The following MGAM2 variants were observed in gnomAD, a reference collection of about 807,000 sequenced individuals.
MGAM2 encodes probable maltase-glucoamylase 2.
Under a neutral mutation model 96.1 loss-of-function variants are expected in MGAM2, and 98 were observed. The observed-to-expected ratio is 1.02, with a 90% CI of 0.87 to 1.21. The LOEUF is 1.21. MGAM2 is among the 50% of genes most tolerant of loss of function. MGAM2 has a pLI of 0.00. For synonymous variants in MGAM2, 749 were observed against 414.8 expected (o/e 1.81, Z -9.79); for missense variants, 2,055 against 1,182.4 (o/e 1.74, Z -10.82).
At chr7:142,169,065 G>A (rs548255862) in intron 26 of MGAM2, among the ~76,000 whole-genome samples, 36 of 152,026 alleles carry the variant, frequency 2.4e-4, no homozygotes, top group Admixed American at 5.2e-4. Context: ...GAGGTTCTGC[G>A]TTCCTAACAA....
chr7:142,159,484 G>C (rs1205620902), intron 20 of MGAM2, 141 bp downstream of exon 20: 1 of 606,906 alleles, frequency 1.6e-6, no homozygotes, highest in Non-Finnish European at 3.0e-6. Flanking sequence ...TGTGAGAAAG[G>C]CATCTTAGTT....
At chr7:142,161,342 G>A (rs1202345953) in intron 22 of MGAM2, 129 bp downstream of exon 22, 7 of 516,516 alleles carry the variant, frequency 1.4e-5, no homozygotes, top group East Asian at 9.1e-5. Context: ...GAGAATCAAC[G>A]GGTTAAAATC....
chr7:142,172,968 C>A (rs1249498838), intron 30 of MGAM2, among the ~76,000 whole-genome samples: 1 of 152,106 alleles, frequency 6.6e-6, no homozygotes, highest in African/African-American at 2.4e-5. Flanking sequence ...TGCTAAACAG[C>A]CTAAGAATTG....
At chr7:142,139,897 T>C (rs1795170477) in intron 10 of MGAM2, among the ~76,000 whole-genome samples, 1 of 152,102 alleles carries the variant, frequency 6.6e-6, no homozygotes. Context: ...TCTGCAAACA[T>C]CCAATTCCAG....
At chr7:142,133,608 C>A (rs955856068) in intron 6 of MGAM2, among the ~76,000 whole-genome samples, 2 of 152,058 alleles carry the variant, frequency 1.3e-5, no homozygotes, top group Non-Finnish European at 2.9e-5. Flanking sequence ...AAATACCTAT[C>A]CTCAACAGTA....
At chr7:142,182,661 C>A (rs1186805489) in intron 32 of MGAM2, among the ~76,000 whole-genome samples, 1 of 152,208 alleles carries the variant, frequency 6.6e-6, no homozygotes, top group Non-Finnish European at 1.5e-5. Flanking sequence ...TCCCAGATGT[C>A]TGCAGTGCAA....
At chr7:142,135,699 T>C (rs1240044773) in intron 7 of MGAM2, among the ~76,000 whole-genome samples, 1 of 146,370 alleles carries the variant, frequency 6.8e-6, no homozygotes, top group Non-Finnish European at 1.5e-5. Flanking sequence ...TCTCAACTTC[T>C]TTTATTCTTA....
At chr7:142,163,807 A>G (rs929449336) in intron 23 of MGAM2, among the ~76,000 whole-genome samples, 4 of 152,010 alleles carry the variant, frequency 2.6e-5, no homozygotes, top group African/African-American at 9.7e-5. Flanking sequence ...GTTACAGCTC[A>G]TTGTGTTTTT....
intron 45 of MGAM2, among the ~76,000 whole-genome samples, chr7:142,201,872 C>T (rs533304212): frequency 5.1e-4 from 77 of 152,202 alleles, no homozygotes; most frequent in South Asian, 1.2e-3. Context: ...ATGTCAGATT[C>T]ATTTTAATGG....
chr7:142,154,070 A>G lies in MGAM2; in HGVS notation c.1687A>G (p.Thr563Ala). 1 of 695,630 alleles carries G rather than the reference A, an allele frequency of 1.4e-6. No individual in the cohort carries two copies. The highest frequency in any genetic ancestry group is 2.6e-6 in the Non-Finnish European group (1 of 379,800). The allele number at this position is 695,630 out of a possible 1,614,324, so 43.1% of individuals were successfully genotyped here. A position where few individuals can be genotyped will look rare whatever the true frequency, so the allele number is the denominator to read the frequency against. Residue 563 changes from threonine (T) to alanine (A), a missense_variant, in exon 16 of 48, where the codon ACT becomes GCT. Transcript: ENST00000477922. ...NNRSFILSRS[T>A]FAGSGKFAAH... ...TAGGAGCTTCATCTTATCCCGTTCT[A>G]CTTTTGCTGGATCTGGCAAATTTGC...
chr7:142,114,931 T>A (rs1449776502), intron 1 of MGAM2, among the ~76,000 whole-genome samples: 1 of 152,104 alleles, frequency 6.6e-6, no homozygotes, highest in Non-Finnish European at 1.5e-5. Context: ...AACAATTTTT[T>A]AAATTACAGG....
At chr7:142,119,005 GA>G (rs1043380799) in intron 2 of MGAM2, among the ~76,000 whole-genome samples, 23 of 152,096 alleles carry the variant, frequency 1.5e-4, no homozygotes, top group African/African-American at 4.8e-4. Context: ...CATCAAAATT[GA>G]AAAAAACTTT....
chr7:142,170,946 C>G (rs1585184015), intron 27 of MGAM2, among the ~76,000 whole-genome samples: 1 of 152,164 alleles, frequency 6.6e-6, no homozygotes. Context: ...TGCTTAAACT[C>G]TATTTGTTTA....
Position 142,221,537 on chromosome 7 carries a change from T to C in MGAM2, c.7026T>C (p.Ile2342=), listed in dbSNP as rs1315681849. Residue 2342 remains isoleucine, a synonymous_variant, in exon 48 of 48, where the codon ATT becomes ATC. Transcript: ENST00000477922. ...FTTPTNANTI[I]FNTLDTKSTM... is the part of the protein sequence containing the mutation. Reference sequence around the variant, plus strand: ...CCCCTACAAATGCAAACACCATTATTTTCAACACTCTTGATACAAAAAGTA... The same window carrying C: ...CCCCTACAAATGCAAACACCATTATCTTCAACACTCTTGATACAAAAAGTA... 1.8e-5 allele frequency: 10 copies of C among 542,034 alleles called. No homozygotes were observed. Among genetic ancestry groups the C allele is most frequent in the Middle Eastern group, 4.8e-4 (1 of 2,098 alleles). 33.6% of individuals were successfully genotyped at this position (542,034 alleles called of 1,614,324 possible). A position where few individuals can be genotyped will look rare whatever the true frequency, so the allele number is the denominator to read the frequency against.
In MGAM2 at chr7:142,176,095, C is replaced by CAAAAAAA. The variant is rs61345348; in HGVS notation, c.3816+322_3816+328dup. ...CTGTGGGCTGAAGCACTGAAGATAG[C>CAAAAAAA]AAAAAAAAAAAAAGGGGGGGGCATC... is the stretch of plus-strand genomic sequence containing the variant. On this transcript the variant is annotated intron_variant, in intron 32 of 47. Coordinates refer to ENST00000477922, the MANE Select transcript of MGAM2 (RefSeq NM_001293626.2). Among the ~76,000 whole-genome samples, 650 of 131,242 alleles carry CAAAAAAA rather than the reference C, an allele frequency of 5.0e-3. 6 individuals are homozygous for CAAAAAAA. The highest frequency in any genetic ancestry group is 0.022 in the South Asian group (88 of 4,066). The allele number at this position is 131,242 out of a possible 152,430, so 86.1% of individuals were successfully genotyped here.
In MGAM2 at chr7:142,220,412, T is replaced by C. The variant is rs1434815090; in HGVS notation, c.5901T>C (p.Asn1967=). Residue 1967 remains asparagine (N), a synonymous_variant, in exon 48 of 48, where the codon AAT becomes AAC. Transcript: ENST00000477922. ...VPDTTAPFPT[N]TTTASTNATI... ...ATACAACTGCCCCTTTCCCAACAAATACTACTACTGCTAGCACTAATGCTA... is the reference window on the plus strand; with the variant it reads ...ATACAACTGCCCCTTTCCCAACAAACACTACTACTGCTAGCACTAATGCTA... The C allele has an allele frequency of 2.3e-5, 16 of 702,590 alleles. No homozygotes were observed. In the East Asian group the frequency reaches 4.3e-4, roughly 19 times the overall value. The allele number at this position is 702,590 out of a possible 1,614,324, so 43.5% of individuals were successfully genotyped here.
At chr7:142,174,830 C>T (rs986891116) in intron 31 of MGAM2, among the ~76,000 whole-genome samples, 32 of 150,160 alleles carry the variant, frequency 2.1e-4, no homozygotes, top group Admixed American at 6.7e-5. Flanking sequence ...ATTCTCCTGC[C>T]TCAGCCTCCT....
chr7:142,153,161 C>T (rs1372439122), intron 15 of MGAM2, among the ~76,000 whole-genome samples: 1 of 152,000 alleles, frequency 6.6e-6, no homozygotes, highest in Non-Finnish European at 1.5e-5. Flanking sequence ...ACCACCATGT[C>T]CAGCTAACTT....
intron 47 of MGAM2, 143 bp from the exon 48 acceptor site, chr7:142,219,727 T>C (rs1797862573): frequency 1.7e-6 from 1 of 593,456 alleles, no homozygotes; most frequent in Non-Finnish European, 3.0e-6. Context: ...CAACATGACC[T>C]AACCCAAAAA....
Sources: gnomAD v4.1 joint callset for allele counts (sites outside exome capture counted in the v4.1 genomes callset) on GRCh38, gnomAD v4.1.1 for gene constraint, MANE v1.5 for transcripts, NCBI Gene and HGNC (gene_info 2026-07-23, HGNC 2026-07-21) for gene names.